The following SRRM4 variants were observed in gnomAD, a reference collection of about 807,000 sequenced individuals.
The protein encoded by SRRM4 is serine/arginine repetitive matrix 4, also known as serine/arginine repetitive matrix protein 4.
In SRRM4, 33 loss-of-function variants were observed where a neutral mutation model predicts 68.9. The observed-to-expected ratio is 0.48, with a 90% confidence interval of 0.36 to 0.64. The LOEUF (loss-of-function observed/expected upper bound fraction) is 0.64. Ranked by LOEUF, SRRM4 falls within the 30% of genes least tolerant of loss-of-function variation. The pLI, the probability that SRRM4 is intolerant of heterozygous loss-of-function variation, is 0.00. For synonymous variants in SRRM4, 318 were observed against 318.8 expected, an observed-to-expected ratio of 1.00 and a Z score of 0.03; for missense variants, 817 against 827.1, an observed-to-expected ratio of 0.99 and a Z score of 0.15.
chr12:119,064,197 T>C (rs1475105854), intron 1 of SRRM4, among the ~76,000 whole-genome samples: 1 of 152,224 alleles, frequency 6.6e-6, no homozygotes, highest in South Asian at 2.1e-4. Flanking sequence ...TATTAATTCA[T>C]TTCTAAAGTG....
chr12:119,009,795 A>G (rs889449779), intron 1 of SRRM4, among the ~76,000 whole-genome samples: 1 of 152,202 alleles, frequency 6.6e-6, no homozygotes, highest in African/African-American at 2.4e-5. Context: ...GTGGGAGTGC[A>G]GACAATAAAC....
intron 3 of SRRM4, among the ~76,000 whole-genome samples, chr12:119,115,559 C>G (rs1020545774): frequency 3.3e-5 from 5 of 152,108 alleles, no homozygotes; most frequent in African/African-American, 1.2e-4. Context: ...CACAGACACC[C>G]CTTAGCCTCA....
intron 1 of SRRM4, among the ~76,000 whole-genome samples, chr12:119,019,955 C>A (rs565551177): frequency 3.2e-4 from 25 of 78,000 alleles, no homozygotes; most frequent in East Asian, 4.8e-4. Context: ...CCGCTCCCCC[C>A]CCCCCCAAAA....
In SRRM4 at chr12:119,100,256, C is replaced by T. The variant is rs542960747; in HGVS notation, c.132-1980C>T. Among the ~76,000 whole-genome samples the T allele has an allele frequency of 8.3e-4, 120 of 144,664 alleles. 1 individual carries two copies. Among genetic ancestry groups the T allele is most frequent in the African/African-American group, 2.6e-3 (102 of 38,682 alleles). 94.9% of individuals were successfully genotyped at this position (144,664 alleles called of 152,430 possible). A position where few individuals can be genotyped will look rare whatever the true frequency, so the allele number is the denominator to read the frequency against. On this transcript the variant is annotated intron_variant, in intron 1 of 12. Coordinates refer to ENST00000267260, the MANE Select transcript of SRRM4 (RefSeq NM_194286.4). ...CTGTAATCCCAGCACTTTGGGAGGC[C>T]AAGTCAGGAGGATTGCTTGAGCCCA...
chr12:119,102,208 T>A, intron 1 of SRRM4, 28 bp from the exon 2 acceptor site: 9 of 1,594,852 alleles, frequency 5.6e-6, no homozygotes, highest in Non-Finnish European at 7.7e-6. Context: ...ATTCTAACAC[T>A]TTTGTGTCCT....
intron 1 of SRRM4, among the ~76,000 whole-genome samples, chr12:119,044,554 G>A (rs1420746578): frequency 6.6e-6 from 1 of 151,970 alleles, no homozygotes; most frequent in African/African-American, 2.4e-5. Context: ...TTGGTACAGT[G>A]CCATGCCATG....
chr12:119,012,979 T>A (rs1319325704), intron 1 of SRRM4, among the ~76,000 whole-genome samples: 1 of 152,128 alleles, frequency 6.6e-6, no homozygotes, highest in East Asian at 1.9e-4. Flanking sequence ...TGCTATTTAC[T>A]CTCAGCATGC....
intron 1 of SRRM4, 37 bp downstream of exon 1, chr12:118,982,050 G>A (rs752613207): frequency 1.3e-6 from 2 of 1,582,866 alleles, no homozygotes; most frequent in South Asian, 1.2e-5. Context: ...GATCCTGAAG[G>A]TCCTCCTTTC....
intron 1 of SRRM4, among the ~76,000 whole-genome samples, chr12:119,007,416 C>T (rs1953422815): frequency 1.3e-5 from 2 of 152,076 alleles, no homozygotes; most frequent in Admixed American, 1.3e-4. Context: ...TCTTTTTTCT[C>T]ATCTCTCCCC....
intron 1 of SRRM4, among the ~76,000 whole-genome samples, chr12:119,086,208 C>T (rs1266741638): frequency 1.3e-5 from 2 of 152,170 alleles, no homozygotes; most frequent in African/African-American, 4.8e-5. Flanking sequence ...CCCTCATACA[C>T]ACACACAAAA....
intron 1 of SRRM4, among the ~76,000 whole-genome samples, chr12:119,065,250 G>A (rs1592883572): frequency 6.6e-6 from 1 of 152,136 alleles, no homozygotes; most frequent in African/African-American, 2.4e-5. Flanking sequence ...TCTCACATTG[G>A]TTGGGAACAC....
chr12:119,110,696 G>A (rs1954136994), intron 2 of SRRM4, among the ~76,000 whole-genome samples: 1 of 152,176 alleles, frequency 6.6e-6, no homozygotes. Flanking sequence ...TAGGGTGGGA[G>A]TGTCCCGATT....
intron 3 of SRRM4, among the ~76,000 whole-genome samples, 197 bp downstream of exon 3, chr12:119,114,561 C>A (rs944146968): frequency 5.9e-5 from 9 of 151,944 alleles, no homozygotes; most frequent in Non-Finnish European, 1.3e-4. Context: ...ATAATATCTA[C>A]CTTTTGAGAT....
intron 1 of SRRM4, among the ~76,000 whole-genome samples, chr12:118,999,999 T>C (rs545673643): frequency 6.6e-6 from 1 of 152,200 alleles, no homozygotes; most frequent in South Asian, 2.1e-4. Context: ...GGGAGGTACT[T>C]ACTGCTCTAC....
At chr12:118,997,492 G>A (rs1462362602) in intron 1 of SRRM4, among the ~76,000 whole-genome samples, 1 of 152,120 alleles carries the variant, frequency 6.6e-6, no homozygotes, top group Admixed American at 6.6e-5. Flanking sequence ...CAGCCTGGAG[G>A]CAATCTCTTT....
intron 1 of SRRM4, among the ~76,000 whole-genome samples, chr12:119,014,156 A>G (rs149029798): frequency 3.3e-5 from 5 of 152,204 alleles, no homozygotes; most frequent in African/African-American, 1.2e-4. Context: ...ATATTTTGCT[A>G]TGATTACCTT....
chr12:119,109,222 T>C (rs1331474207), intron 2 of SRRM4, among the ~76,000 whole-genome samples: 1 of 152,192 alleles, frequency 6.6e-6, no homozygotes, highest in South Asian at 2.1e-4. Flanking sequence ...CCTTTGTGGG[T>C]AACCCGACCT....
At chr12:119,041,106 T>C (rs1953665906) in intron 1 of SRRM4, among the ~76,000 whole-genome samples, 1 of 152,118 alleles carries the variant, frequency 6.6e-6, no homozygotes, top group African/African-American at 2.4e-5. Context: ...GTTTCTTACA[T>C]ATATAAGCTT....
intron 3 of SRRM4, 27 bp downstream of exon 3, chr12:119,114,391 C>T: frequency 1.9e-6 from 3 of 1,572,362 alleles, no homozygotes; most frequent in Non-Finnish European, 1.7e-6. Context: ...GGAGATAAAA[C>T]CTGTAAGATG....
Sources: allele counts gnomAD v4.1 joint callset (sites outside exome capture counted in the v4.1 genomes callset), GRCh38; gene constraint gnomAD v4.1.1; transcripts MANE v1.5; gene names NCBI Gene and HGNC (gene_info 2026-07-23, HGNC 2026-07-21).